The following ZMYND11 variants were observed in gnomAD, a reference collection of about 807,000 sequenced individuals.
ZMYND11 encodes zinc finger MYND-type containing 11, also known as zinc finger MYND domain-containing protein 11.
Under a neutral mutation model 84.9 loss-of-function variants are expected in ZMYND11, and 9 were observed. The ratio of observed to expected loss-of-function variants is 0.11; its 90% CI spans 0.06 to 0.18. ZMYND11 has a LOEUF of 0.18. Ranked by LOEUF, ZMYND11 falls within the 10% of genes least tolerant of loss-of-function variation. The probability of loss-of-function intolerance (pLI) is 1.00; values close to 1 mark genes in which losing one functional copy is unlikely to be tolerated. For synonymous variants in ZMYND11, 250 were observed against 244.1 expected (o/e 1.02, Z -0.23); for missense variants, 409 against 761.0 (o/e 0.54, Z 5.44).
intron 1 of ZMYND11, among the ~76,000 whole-genome samples, chr10:140,630 C>T (rs1352568311): frequency 6.6e-6 from 1 of 152,072 alleles, no homozygotes; most frequent in East Asian, 1.9e-4. Flanking sequence ...TTTTCCTGTT[C>T]AGCAGTAATT....
At chr10:191,400 TTA>T (rs1187647632) in intron 2 of ZMYND11, among the ~76,000 whole-genome samples, 2 of 152,206 alleles carry the variant, frequency 1.3e-5, no homozygotes. Flanking sequence ...AACTAACACA[TTA>T]TCTCATTTCA....
In ZMYND11 at chr10:240,391, C is replaced by T. The variant is rs534684384; in HGVS notation, c.753+280C>T. Reference sequence around the variant, plus strand: ...TGGTGGTGTACGCCTGTAGTCCCAGCTACTCGGGAGGCTGAGGCAGGAGAA... The same window carrying T: ...TGGTGGTGTACGCCTGTAGTCCCAGTTACTCGGGAGGCTGAGGCAGGAGAA... On this transcript the variant is annotated intron_variant, in intron 8 of 14. Coordinates refer to ENST00000381604, the MANE Select transcript of ZMYND11 (RefSeq NM_001370100.5). 1.6e-4 allele frequency among the ~76,000 whole-genome samples: 25 copies of T among 152,266 alleles called. No homozygotes were observed. In the East Asian group the frequency reaches 3.1e-3, roughly 19 times the overall value.
intron 4 of ZMYND11, among the ~76,000 whole-genome samples, chr10:222,940 A>G (rs1947387811): frequency 6.6e-6 from 1 of 152,130 alleles, no homozygotes; most frequent in South Asian, 2.1e-4. Context: ...TGGGAATTGA[A>G]CAATTATTAT....
At chr10:132,235 C>T (rs1835327379), upstream of ZMYND11, among the ~76,000 whole-genome samples, 1 of 150,688 alleles carries the variant, frequency 6.6e-6, no homozygotes. Flanking sequence ...AAGCTTTGTT[C>T]TTTCGCTCTT....
intron 1 of ZMYND11, among the ~76,000 whole-genome samples, chr10:146,171 C>G (rs141935714): frequency 5.3e-4 from 80 of 152,192 alleles, no homozygotes; most frequent in African/African-American, 1.7e-3. Context: ...TATGCTTTGT[C>G]AAGGATCAGT....
chr10:206,846 T>TTTA (rs1489799818), intron 2 of ZMYND11, among the ~76,000 whole-genome samples: 1 of 152,070 alleles, frequency 6.6e-6, no homozygotes, highest in Admixed American at 6.5e-5. Context: ...TTTTAATTTT[T>TTTA]TTATTATTAT....
chr10:168,170 A>G (rs1417488552), intron 1 of ZMYND11, among the ~76,000 whole-genome samples: 2 of 152,200 alleles, frequency 1.3e-5, no homozygotes, highest in Admixed American at 1.3e-4. Context: ...TACATATGCA[A>G]TAATTGTATA....
rs188706543 is a variant in ZMYND11, at chr10:157,193, A to G, written c.-20+21634A>G. On this transcript the variant is annotated intron_variant, in intron 1 of 14. Transcript: ENST00000381604. ...TCTAGTATATTTGAAAATTTCCGTA[A>G]TAGCTTTTTTAATTTTTATTTTTGG... Among the ~76,000 whole-genome samples, 461 of 152,238 alleles carry G rather than the reference A, an allele frequency of 3.0e-3. No individual in the cohort carries two copies. In the Middle Eastern group the frequency reaches 0.034, roughly 11 times the overall value.
At chr10:218,539 G>T in intron 3 of ZMYND11, 2 of 310,548 alleles carry the variant, frequency 6.4e-6, no homozygotes, top group Non-Finnish European at 1.3e-5. Flanking sequence ...CTATAATTCT[G>T]CTTTATTTTT....
chr10:209,270 A>T (rs1208802323), intron 2 of ZMYND11, among the ~76,000 whole-genome samples: 2 of 152,062 alleles, frequency 1.3e-5, no homozygotes, highest in African/African-American at 4.8e-5. Flanking sequence ...TTTTTGTTTT[A>T]AAAAAATACC....
intron 2 of ZMYND11, among the ~76,000 whole-genome samples, chr10:202,859 G>A (rs570975661): frequency 2.6e-5 from 4 of 152,086 alleles, no homozygotes; most frequent in African/African-American, 7.2e-5. Context: ...CTCTTCTTGT[G>A]TTGTGTGTTA....
chr10:181,768 G>T (rs1452018714), intron 2 of ZMYND11, among the ~76,000 whole-genome samples: 1 of 150,796 alleles, frequency 6.6e-6, no homozygotes, highest in East Asian at 1.9e-4. Context: ...TAAGATAGTA[G>T]AAGAAAAAAA....
chr10:214,488 C>G (rs1945814153), intron 3 of ZMYND11, among the ~76,000 whole-genome samples: 1 of 152,186 alleles, frequency 6.6e-6, no homozygotes, highest in Non-Finnish European at 1.5e-5. Flanking sequence ...AGTTTCTACA[C>G]TCTATGGTCA....
chr10:130,186 C>T (rs565748768), upstream of ZMYND11, among the ~76,000 whole-genome samples: 1 of 152,262 alleles, frequency 6.6e-6, no homozygotes, highest in Admixed American at 6.5e-5. Flanking sequence ...TCAACACAGG[C>T]TGAAATTGTT....
intron 10 of ZMYND11, among the ~76,000 whole-genome samples, chr10:245,506 A>C (rs1246373224): frequency 6.6e-6 from 1 of 152,184 alleles, no homozygotes; most frequent in Non-Finnish European, 1.5e-5. Context: ...AAAATCTTTA[A>C]CAGAAAACTG....
At chr10:234,425 A>G (rs1949562286) in intron 4 of ZMYND11, among the ~76,000 whole-genome samples, 1 of 152,264 alleles carries the variant, frequency 6.6e-6, no homozygotes, top group Admixed American at 6.5e-5. Flanking sequence ...AAGGCTGTGC[A>G]TGATATTTAG....
intron 12 of ZMYND11, 32 bp downstream of exon 12, chr10:247,498 CA>C (rs1312723716): frequency 6.3e-7 from 1 of 1,597,394 alleles, no homozygotes; most frequent in Non-Finnish European, 8.6e-7. Context: ...ATCCAGGTGG[CA>C]AATGAAACAG....
Position 252,656 on chromosome 10 carries a change from G to A in ZMYND11, c.*186G>A. 1 of 599,318 alleles carries A rather than the reference G, an allele frequency of 1.7e-6. No individual in the cohort carries two copies. Among genetic ancestry groups the A allele is most frequent in the South Asian group, 3.1e-5 (1 of 32,082 alleles). 37.1% of individuals were successfully genotyped at this position (599,318 alleles called of 1,614,324 possible). A position where few individuals can be genotyped will look rare whatever the true frequency, so the allele number is the denominator to read the frequency against. On this transcript the variant is annotated 3_prime_UTR_variant, in exon 15 of 15. Transcript: ENST00000381604. This position sits in a 1 kb window ranked among gnomAD's most constrained non-coding sequence, Gnocchi z 4.6. ...AATGCTCCTCCGAAGTTTTTCAGGG[G>A]GTAAAAGTAACATCAGTGGAGGGTA...
chr10:173,036 A>G (rs1438242475), intron 1 of ZMYND11, among the ~76,000 whole-genome samples: 3 of 143,736 alleles, frequency 2.1e-5, no homozygotes, highest in Non-Finnish European at 4.6e-5. Flanking sequence ...CCACTTTCAG[A>G]AAAAAAAAAA....
Sources: allele counts gnomAD v4.1 joint callset (sites outside exome capture counted in the v4.1 genomes callset), GRCh38; gene constraint gnomAD v4.1.1; non-coding constraint Gnocchi (gnomAD v3.1); transcripts MANE v1.5; gene names NCBI Gene and HGNC (gene_info 2026-07-23, HGNC 2026-07-21).